The following PRH1 variants were observed in gnomAD, a reference collection of about 807,000 sequenced individuals.
PRH1 encodes the protein salivary acidic proline-rich phosphoprotein 1/2.
PRH1 carries 7 observed loss-of-function variants against 7.9 expected under a neutral mutation model. That is an observed-to-expected ratio of 0.89 (90% CI 0.50 to 1.67). The LOEUF (loss-of-function observed/expected upper bound fraction) is 1.67, where lower values mean the gene tolerates loss of function less well. Ranked by LOEUF, PRH1 falls within the 40% of genes most tolerant of loss-of-function variation. PRH1 has a pLI of 0.00. For missense variants in PRH1, 109 were observed against 223.6 expected (o/e 0.49, Z 3.27); for synonymous variants, 45 against 80.8 (o/e 0.56, Z 2.38).
intron 1 of PRH1, among the ~76,000 whole-genome samples, chr12:11,004,314 G>A (rs921500133): frequency 1.3e-5 from 2 of 152,008 alleles, no homozygotes; most frequent in Non-Finnish European, 1.5e-5. Context: ...GGCCAAGATG[G>A]TGAAAAAATA....
intron 2 of PRH1, among the ~76,000 whole-genome samples, chr12:10,924,584 TC>T (rs1950099417): frequency 6.6e-6 from 1 of 152,210 alleles, no homozygotes; most frequent in Non-Finnish European, 1.5e-5. Flanking sequence ...TGGTACCAGC[TC>T]CTCCTTGTAA....
intron 1 of PRH1, among the ~76,000 whole-genome samples, chr12:11,002,297 T>C (rs1940629304): frequency 6.6e-6 from 1 of 152,122 alleles, no homozygotes; most frequent in South Asian, 2.1e-4. Context: ...AATCATGTTT[T>C]CTAAGTGCTG....
rs1367697300 is a variant in PRH1 at position 11,082,273 on chromosome 12, G to T, written n.124-35085C>A. On this transcript the variant is annotated intron_variant and non_coding_transcript_variant, in intron 1 of 4. Transcript: ENST00000541977. ...TTTAAAAGCATTAGAGTTAAGGTTG[G>T]TGGGAGAACACTATTATTCTTCCTC... 5.2e-5 allele frequency among the ~76,000 whole-genome samples: 6 copies of T among 114,866 alleles called. 3 individuals carry two copies. The highest frequency in any genetic ancestry group is 1.2e-4 in the Non-Finnish European group (6 of 48,612). 75.4% of individuals were successfully genotyped at this position (114,866 alleles called of 152,430 possible).
intron 1 of PRH1, among the ~76,000 whole-genome samples, chr12:11,043,489 A>G (rs1942792874): frequency 1.3e-5 from 2 of 152,192 alleles, no homozygotes; most frequent in Non-Finnish European, 2.9e-5. Flanking sequence ...ACATAGGAAA[A>G]GAATAAGCCA....
intron 1 of PRH1, among the ~76,000 whole-genome samples, chr12:11,073,870 C>T: frequency 6.6e-6 from 1 of 152,084 alleles, no homozygotes; most frequent in Non-Finnish European, 1.5e-5. Flanking sequence ...AGAACTATTC[C>T]CTCTTCAGCG....
rs34515459 is a variant in PRH1, at chr12:11,045,317, CAAAA to C, written c.-126+1699_-126+1702del. ...GAAGGAGTGGCTGGTTAATGGTTACCAAAAAAAAAAAAAAATAGAAAGAATTAAT... is the reference window on the plus strand; with the variant it reads ...GAAGGAGTGGCTGGTTAATGGTTACCAAAAAAAAAAATAGAAAGAATTAAT... On this transcript the variant is annotated intron_variant, in intron 1 of 3. Coordinates refer to the PRH1 transcript ENST00000539853. Among the ~76,000 whole-genome samples the C allele has an allele frequency of 1.7e-4, 24 of 138,772 alleles. No individual in the cohort carries two copies. In the East Asian group the frequency reaches 4.8e-3, roughly 28 times the overall value. The allele number at this position is 138,772 out of a possible 152,430, so 91.0% of individuals were successfully genotyped here. A position where few individuals can be genotyped will look rare whatever the true frequency, so the allele number is the denominator to read the frequency against.
chr12:11,060,119 CAT>C (rs559805684), intron 1 of PRH1, among the ~76,000 whole-genome samples: 1 of 152,152 alleles, frequency 6.6e-6, no homozygotes, highest in South Asian at 2.1e-4. Context: ...GTTTAAATCA[CAT>C]TTTTAAAATT....
At chr12:10,986,345 T>C in intron 1 of PRH1, 1 of 1,614,042 alleles carries the variant, frequency 6.2e-7, no homozygotes, top group Non-Finnish European at 8.5e-7. Flanking sequence ...ATGAAAGATG[T>C]ACTGTATTCC....
chr12:11,157,660 A>G (rs1947293673), intron 1 of PRH1, among the ~76,000 whole-genome samples: 1 of 152,266 alleles, frequency 6.6e-6, no homozygotes, highest in African/African-American at 2.4e-5. Context: ...AATACACTCA[A>G]CTTCTAACTC....
At chr12:10,892,653 A>G (rs1205730004) in intron 2 of PRH1, among the ~76,000 whole-genome samples, 1 of 152,208 alleles carries the variant, frequency 6.6e-6, no homozygotes, top group Admixed American at 6.5e-5. Context: ...AGTAAAATCT[A>G]AAATTGTTAT....
intron 1 of PRH1, among the ~76,000 whole-genome samples, chr12:11,169,946 T>C (rs991780614): frequency 6.6e-6 from 1 of 152,158 alleles, no homozygotes; most frequent in Non-Finnish European, 1.5e-5. Flanking sequence ...CAGTAGACTA[T>C]ATAGAAACAG....
intron 1 of PRH1, among the ~76,000 whole-genome samples, chr12:11,052,939 T>C (rs1279261586): frequency 6.6e-6 from 1 of 152,148 alleles, no homozygotes; most frequent in Non-Finnish European, 1.5e-5. Context: ...TTGTTTTTTG[T>C]TTTAGTATGT....
At chr12:10,934,095 T>A (rs1565481548) in intron 2 of PRH1, among the ~76,000 whole-genome samples, 2 of 152,192 alleles carry the variant, frequency 1.3e-5, no homozygotes, top group Admixed American at 6.5e-5. Context: ...AGAAAATGAT[T>A]ATTCACAAAG....
intron 2 of PRH1, among the ~76,000 whole-genome samples, chr12:10,890,509 C>T (rs2135791970): frequency 6.6e-6 from 1 of 152,036 alleles, no homozygotes; most frequent in East Asian, 1.9e-4. Flanking sequence ...GTCACAGTAG[C>T]CAGAAGGCCC....
At chr12:11,003,701 A>T (rs1477785799) in intron 1 of PRH1, among the ~76,000 whole-genome samples, 1 of 152,046 alleles carries the variant, frequency 6.6e-6, no homozygotes, top group Non-Finnish European at 1.5e-5. Context: ...AAGCAATTAT[A>T]AGAATTTATT....
chr12:10,973,887 T>C (rs964772927), intron 1 of PRH1, among the ~76,000 whole-genome samples: 1 of 152,222 alleles, frequency 6.6e-6, no homozygotes, highest in African/African-American at 2.4e-5. Context: ...GGCGGGCTTT[T>C]TTGGTAGACC....
At chr12:10,929,822 A>AT (rs1163560525) in intron 2 of PRH1, among the ~76,000 whole-genome samples, 3 of 152,000 alleles carry the variant, frequency 2.0e-5, no homozygotes, top group African/African-American at 4.8e-5. Flanking sequence ...AAATATTGTC[A>AT]TTTTTTTCTC....
At position 10,997,597 on chromosome 12, in the gene PRH1, A is replaced by C. The variant is rs1334743079; in HGVS notation, c.-125-23876T>G. ...GGCTAGTAGCAAGCCAGATGCTGAA[A>C]TGATTGGTTACTGCCCAGGCATTAG... On this transcript the variant is annotated intron_variant, in intron 1 of 3. Coordinates refer to the PRH1 transcript ENST00000539853. The C allele has an allele frequency of 1.9e-6, 3 of 1,613,982 alleles. No individual in the cohort carries two copies. In the African/African-American group the frequency reaches 4.0e-5, roughly 22 times the overall value.
chr12:10,986,679 G>T (rs1939650392), intron 1 of PRH1: 2 of 1,612,326 alleles, frequency 1.2e-6, no homozygotes, highest in Non-Finnish European at 1.7e-6. Context: ...TAATAATAAT[G>T]CCCAGAGCAA....
Sources: allele counts gnomAD v4.1 joint callset (sites outside exome capture counted in the v4.1 genomes callset), GRCh38; gene constraint gnomAD v4.1.1; transcripts MANE v1.5; gene names NCBI Gene and HGNC (gene_info 2026-07-23, HGNC 2026-07-21).